SFMBT1: variants seen among roughly 807,000 people sequenced by gnomAD.
SFMBT1 encodes the protein scm-like with four MBT domains protein 1.
In SFMBT1, 32 loss-of-function variants were observed where a neutral mutation model predicts 108.7. The ratio of observed to expected loss-of-function variants is 0.29; its 90% CI spans 0.22 to 0.40. The LOEUF (loss-of-function observed/expected upper bound fraction) is 0.40, where lower values mean the gene tolerates loss of function less well. Ranked by LOEUF, SFMBT1 falls within the 10% of genes least tolerant of loss-of-function variation. The pLI, the probability that SFMBT1 is intolerant of heterozygous loss-of-function variation, is 1.00. For synonymous variants in SFMBT1, 348 were observed against 369.5 expected, an observed-to-expected ratio of 0.94 and a Z score of 0.67; for missense variants, 816 against 1,059.6, an observed-to-expected ratio of 0.77 and a Z score of 3.19.
intron 2 of SFMBT1, among the ~76,000 whole-genome samples, chr3:52,967,954 G>A (rs1411241166): frequency 6.6e-6 from 1 of 152,162 alleles, no homozygotes; most frequent in Non-Finnish European, 1.5e-5. Context: ...TTGTGCTGCT[G>A]GGTATGTACC....
At chr3:52,928,647 T>TATACATATATACATATATATAC (rs1553635171) in intron 8 of SFMBT1, among the ~76,000 whole-genome samples, 1 of 108,040 alleles carries the variant, frequency 9.3e-6, no homozygotes, top group African/African-American at 3.4e-5. Context: ...CATATATATA[T>TATACATATATACATATATATAC]ATATATACAC....
At chr3:53,034,799 C>T (rs144435343) in intron 1 of SFMBT1, among the ~76,000 whole-genome samples, 2,556 of 151,240 alleles carry the variant, frequency 0.017, 72 homozygotes, top group African/African-American at 0.058. Flanking sequence ...ATTAGCCAGG[C>T]GTGGTGGCAC....
intron 4 of SFMBT1, among the ~76,000 whole-genome samples, chr3:52,939,718 C>A (rs1703124334): frequency 6.6e-6 from 1 of 151,946 alleles, no homozygotes; most frequent in Non-Finnish European, 1.5e-5. Flanking sequence ...TTCTCAAGTC[C>A]TTTTTATTTC....
chr3:52,924,672 A>T, intron 10 of SFMBT1, among the ~76,000 whole-genome samples: 1 of 151,302 alleles, frequency 6.6e-6, no homozygotes, highest in East Asian at 1.9e-4. Context: ...AACAACAACA[A>T]CAACAACAAC....
At position 52,907,183 on chromosome 3, in the gene SFMBT1, AGAG is replaced by A; in HGVS notation, c.2214_2216del (p.Ser740del). The A allele has an allele frequency of 6.2e-7, 1 of 1,614,166 alleles. No homozygotes were observed. The highest frequency in any genetic ancestry group is 8.5e-7 in the Non-Finnish European group (1 of 1,180,016). On this transcript the variant is annotated inframe_deletion, in exon 19 of 21. Coordinates refer to ENST00000394752, the MANE Select transcript of SFMBT1 (RefSeq NM_016329.4). ...TGGATATCTCACTTTGGGTGGGAGA[AGAG>A]GAGCATGACTTTTTTTCTGACATTT... is the stretch of plus-strand genomic sequence containing the variant.
At chr3:52,957,649 G>A (rs1007426745) in intron 2 of SFMBT1, among the ~76,000 whole-genome samples, 1 of 152,088 alleles carries the variant, frequency 6.6e-6, no homozygotes, top group African/African-American at 2.4e-5. Context: ...TCAGAAATAA[G>A]ATTGCACATC....
chr3:52,962,001 G>A (rs537782387), intron 2 of SFMBT1, among the ~76,000 whole-genome samples: 2 of 152,154 alleles, frequency 1.3e-5, no homozygotes, highest in East Asian at 3.9e-4. Context: ...GTTTATTAAA[G>A]AAATAAATGC....
intron 1 of SFMBT1, among the ~76,000 whole-genome samples, chr3:52,973,332 T>G (rs1270971202): frequency 1.3e-5 from 2 of 152,194 alleles, no homozygotes; most frequent in Non-Finnish European, 2.9e-5. Flanking sequence ...AATAGGTGCC[T>G]AGATATTTGG....
intron 1 of SFMBT1, among the ~76,000 whole-genome samples, chr3:52,984,416 T>C (rs895222629): frequency 6.6e-6 from 1 of 152,044 alleles, no homozygotes; most frequent in East Asian, 1.9e-4. Flanking sequence ...TTTTGCCCCT[T>C]GGGAACCTCC....
chr3:53,010,709 C>T (rs1184300395), intron 1 of SFMBT1, among the ~76,000 whole-genome samples: 1 of 152,140 alleles, frequency 6.6e-6, no homozygotes, highest in Non-Finnish European at 1.5e-5. Flanking sequence ...GAGAAAGTGA[C>T]AAACATCTCT....
In SFMBT1 at chr3:52,930,562, A is replaced by G. The variant is rs2106794768; in HGVS notation, c.796-132T>C. The G allele has an allele frequency of 6.5e-6, 4 of 614,846 alleles. No individual in the cohort carries two copies. The East Asian group carries it at 8.2e-5, about 13-fold the overall frequency. 38.1% of individuals were successfully genotyped at this position (614,846 alleles called of 1,614,324 possible). A position where few individuals can be genotyped will look rare whatever the true frequency, so the allele number is the denominator to read the frequency against. ...GTTTTCTTCTTTTTTTTAAATGTGC[A>G]AAACTATCCAATATAATTTTCTACT... On this transcript the variant is annotated intron_variant, in intron 7 of 20. Coordinates refer to ENST00000394752, the MANE Select transcript of SFMBT1 (RefSeq NM_016329.4).
At chr3:52,975,642 C>A (rs1704493445) in intron 1 of SFMBT1, among the ~76,000 whole-genome samples, 1 of 152,140 alleles carries the variant, frequency 6.6e-6, no homozygotes, top group African/African-American at 2.4e-5. Context: ...ACTTCTGTTA[C>A]CCAGGCTGGA....
chr3:52,907,477 G>C (rs1205872510), intron 18 of SFMBT1, 78 bp downstream of exon 18: 1 of 1,533,996 alleles, frequency 6.5e-7, no homozygotes, highest in African/African-American at 1.4e-5. Flanking sequence ...AGAAAGACCT[G>C]CAGGTATTCT....
At chr3:52,931,105 T>G in intron 6 of SFMBT1, 70 bp from the exon 7 acceptor site, 1 of 1,400,516 alleles carries the variant, frequency 7.1e-7, no homozygotes, top group Non-Finnish European at 1.0e-6. Context: ...CTGAAAGCAT[T>G]CACATAAACA....
At chr3:52,919,088 T>G (rs992594062) in intron 12 of SFMBT1, among the ~76,000 whole-genome samples, 7 of 152,120 alleles carry the variant, frequency 4.6e-5, no homozygotes, top group African/African-American at 7.2e-5. Context: ...CGCCCGCCAC[T>G]CACCTCCTGC....
intron 2 of SFMBT1, among the ~76,000 whole-genome samples, chr3:52,962,087 T>C (rs1028628081): frequency 6.6e-6 from 1 of 152,242 alleles, no homozygotes; most frequent in East Asian, 1.9e-4. Context: ...AGATATCAGA[T>C]TGAAAAGAAT....
intron 7 of SFMBT1, 137 bp downstream of exon 7, chr3:52,930,804 G>T: frequency 1.5e-6 from 1 of 673,678 alleles, no homozygotes; most frequent in Non-Finnish European, 2.6e-6. Flanking sequence ...CATCAGTCCA[G>T]CCTTAACACA....
chr3:53,044,984 G>A (rs971632986), intron 1 of SFMBT1: 2 of 152,294 alleles, frequency 1.3e-5, no homozygotes, highest in African/African-American at 4.8e-5. Flanking sequence ...CGCACAAGGC[G>A]TTTCTGCTCC....
At chr3:52,938,009 AG>A (rs1363063228) in intron 4 of SFMBT1, among the ~76,000 whole-genome samples, 1 of 152,086 alleles carries the variant, frequency 6.6e-6, no homozygotes, top group African/African-American at 2.4e-5. Context: ...ACATATCCTG[AG>A]CCCACTCCTT....
Sources: gnomAD v4.1 joint callset for allele counts (sites outside exome capture counted in the v4.1 genomes callset) on GRCh38, gnomAD v4.1.1 for gene constraint, MANE v1.5 for transcripts, NCBI Gene and HGNC (gene_info 2026-07-23, HGNC 2026-07-21) for gene names.